Variants in CADPS observed in about 807,000 individuals in gnomAD.
The protein encoded by CADPS is calcium-dependent secretion activator 1.
In CADPS, 57 loss-of-function variants were observed where a neutral mutation model predicts 167.3. The observed-to-expected ratio is 0.34, with a 90% CI of 0.28 to 0.42. The LOEUF is 0.42. CADPS is among the 20% of genes least tolerant of loss of function. The probability of loss-of-function intolerance (pLI) is 1.00; values close to 1 mark genes in which losing one functional copy is unlikely to be tolerated. For missense variants in CADPS, 1,414 were observed against 1,738.1 expected, an observed-to-expected ratio of 0.81 and a Z score of 3.32; for synonymous variants, 676 against 635.3, an observed-to-expected ratio of 1.06 and a Z score of -0.96.
chr3:62,466,357 T>C lies in CADPS; in HGVS notation c.3534A>G (p.Ile1178Met). 4 of 1,611,584 alleles carry C rather than the reference T, an allele frequency of 2.5e-6. No individual in the cohort carries two copies. Among genetic ancestry groups the C allele is most frequent in the Non-Finnish European group, 3.4e-6 (4 of 1,177,788 alleles). Residue 1178 changes from isoleucine to methionine, a missense_variant, in exon 25 of 30, where the codon ATA becomes ATG. This residue lies in a region of CADPS where 185 missense variants were observed against 251.5 expected (regional missense o/e 0.74). Transcript: ENST00000383710. ...AGGTTACCTTTGCAACCAAGAGTGT[T>C]ATCATTTCTTTAACAGTTTCTTCAA... ...ELIEETVKEM[I>M]TLLVAKFVTI...
At chr3:62,449,216 C>T (rs114637848) in intron 26 of CADPS, among the ~76,000 whole-genome samples, 127 of 152,360 alleles carry the variant, frequency 8.3e-4, no homozygotes, top group African/African-American at 2.8e-3. Flanking sequence ...GAGACCTCCA[C>T]CTCACTGGAG....
At position 62,639,428 on chromosome 3, in the gene CADPS, T is replaced by C. The variant is rs145257718; in HGVS notation, c.1325+6294A>G. ...TCAGGAAGCCTCATTCCCTTTCCCA[T>C]TCAGTGGCCTTTGAAGTTCTCAAAA... On this transcript the variant is annotated intron_variant, in intron 6 of 29. Coordinates refer to ENST00000383710, the MANE Select transcript of CADPS (RefSeq NM_003716.4). Among the ~76,000 whole-genome samples the C allele has an allele frequency of 4.6e-5, 7 of 152,240 alleles. No homozygotes were observed. In the East Asian group the frequency reaches 1.4e-3, roughly 29 times the overall value.
At chr3:62,603,297 G>A (rs943654818) in intron 6 of CADPS, among the ~76,000 whole-genome samples, 15 of 152,228 alleles carry the variant, frequency 9.9e-5, no homozygotes, top group Admixed American at 2.0e-4. Flanking sequence ...ATTTAACAAT[G>A]CTTGATTATC....
intron 1 of CADPS, among the ~76,000 whole-genome samples, chr3:62,823,635 T>C (rs1056518180): frequency 1.3e-5 from 2 of 152,180 alleles, no homozygotes; most frequent in Admixed American, 6.6e-5. Context: ...TTCAAATACA[T>C]TTTAAGGCCA....
chr3:62,490,633 A>C (rs556744439), intron 21 of CADPS, among the ~76,000 whole-genome samples: 2 of 152,352 alleles, frequency 1.3e-5, no homozygotes, highest in East Asian at 1.9e-4. Context: ...TAAAAAAAGC[A>C]CACGGTTGTC....
intron 9 of CADPS, among the ~76,000 whole-genome samples, chr3:62,560,822 T>G (rs367980368): frequency 3.3e-5 from 5 of 152,184 alleles, no homozygotes; most frequent in African/African-American, 1.2e-4. Context: ...GGCTTACGCC[T>G]GTAATCCCAG....
chr3:62,743,392 T>C (rs1477525513), intron 3 of CADPS, among the ~76,000 whole-genome samples: 2 of 152,198 alleles, frequency 1.3e-5, no homozygotes, highest in South Asian at 2.1e-4. Context: ...AATTAAGCAG[T>C]TGTTACAAAG....
Position 62,668,171 on chromosome 3 carries a change from T to C in CADPS, c.889-5777A>G, listed in dbSNP as rs1272478689. Among the ~76,000 whole-genome samples, 8 of 152,170 alleles carry C rather than the reference T, an allele frequency of 5.3e-5. No individual in the cohort carries two copies. The South Asian group carries it at 6.2e-4, about 12-fold the overall frequency. ...AATACACAGAAAATGTAAACAGAAATAGGCAGATTACTTTATGCATTATTT... is the reference window on the plus strand; with the variant it reads ...AATACACAGAAAATGTAAACAGAAACAGGCAGATTACTTTATGCATTATTT... On this transcript the variant is annotated intron_variant, in intron 3 of 29. Transcript: ENST00000383710.
At chr3:62,797,049 G>C (rs1321441911) in intron 1 of CADPS, among the ~76,000 whole-genome samples, 1 of 152,118 alleles carries the variant, frequency 6.6e-6, no homozygotes, top group Non-Finnish European at 1.5e-5. Context: ...AAGAGAAAAA[G>C]AGAAGTGAGA....
chr3:62,833,850 G>A (rs970051599), intron 1 of CADPS, among the ~76,000 whole-genome samples: 2 of 152,018 alleles, frequency 1.3e-5, no homozygotes, highest in Non-Finnish European at 2.9e-5. Context: ...AACTACTCTG[G>A]TTACTAAAAA....
intron 11 of CADPS, among the ~76,000 whole-genome samples, chr3:62,540,280 T>C (rs2075468163): frequency 6.6e-6 from 1 of 152,112 alleles, no homozygotes; most frequent in Non-Finnish European, 1.5e-5. Context: ...ATGTCCTGTT[T>C]CTGTGTTTTC....
At chr3:62,493,134 T>C (rs944355593) in intron 19 of CADPS, among the ~76,000 whole-genome samples, 3 of 152,206 alleles carry the variant, frequency 2.0e-5, no homozygotes, top group Admixed American at 1.3e-4. Flanking sequence ...TGGACACATA[T>C]GTACATTGAA....
chr3:62,576,813 A>AAAAAAAAAAAAAAAAAAAAG (rs1562375615), intron 8 of CADPS, among the ~76,000 whole-genome samples: 3 of 149,290 alleles, frequency 2.0e-5, no homozygotes, highest in African/African-American at 7.5e-5. Flanking sequence ...AAAAAAAAAA[A>AAAAAAAAAAAAAAAAAAAAG]AAAAGCAGTC....
rs533336052 is a variant in CADPS at position 62,491,870 on chromosome 3, C to A, written c.2885-390G>T. Among the ~76,000 whole-genome samples, 11 of 152,256 alleles carry A rather than the reference C, an allele frequency of 7.2e-5. No homozygotes were observed. The East Asian group carries it at 2.1e-3, about 29-fold the overall frequency. On this transcript the variant is annotated intron_variant, in intron 20 of 29. Transcript: ENST00000383710. ...TACTCTGCCCTCCTTCATCACCCTC[C>A]CTGGGGAGGAAGGTCTATTTTATGG...
Position 62,752,799 on chromosome 3 carries a change from G to A in CADPS, c.888+642C>T, listed in dbSNP as rs146155917. On this transcript the variant is annotated intron_variant, in intron 3 of 29. Transcript: ENST00000383710. ...GAATTTCAGACTGCAAAATAGGCACGTAATAAATATTTGTTGAATAAATGA... is the reference window on the plus strand; with the variant it reads ...GAATTTCAGACTGCAAAATAGGCACATAATAAATATTTGTTGAATAAATGA... Among the ~76,000 whole-genome samples the A allele has an allele frequency of 2.0e-4, 31 of 152,278 alleles. No homozygotes were observed. In the East Asian group the frequency reaches 5.6e-3, roughly 27 times the overall value.
At chr3:62,577,422 C>T (rs1320169794) in intron 8 of CADPS, among the ~76,000 whole-genome samples, 2 of 152,076 alleles carry the variant, frequency 1.3e-5, no homozygotes, top group Admixed American at 6.6e-5. Flanking sequence ...ACAGAAGTTG[C>T]AGTGAGACAA....
intron 3 of CADPS, among the ~76,000 whole-genome samples, chr3:62,681,160 C>T (rs1485912612): frequency 6.6e-6 from 1 of 152,024 alleles, no homozygotes; most frequent in African/African-American, 2.4e-5. Context: ...TGTGCTGTTG[C>T]CCTGTCTAAC....
At chr3:62,681,939 A>G (rs1424309366) in intron 3 of CADPS, among the ~76,000 whole-genome samples, 1 of 152,112 alleles carries the variant, frequency 6.6e-6, no homozygotes, top group East Asian at 1.9e-4. Flanking sequence ...TGTTCTCCAG[A>G]GGACCTCATT....
chr3:62,422,981 A>G (rs1362253845), intron 28 of CADPS, among the ~76,000 whole-genome samples: 1 of 152,222 alleles, frequency 6.6e-6, no homozygotes, highest in Non-Finnish European at 1.5e-5. Context: ...TACCCCCCAA[A>G]TAAACCACAA....
Sources: allele counts gnomAD v4.1 joint callset (sites outside exome capture counted in the v4.1 genomes callset), GRCh38; gene constraint gnomAD v4.1.1; regional missense constraint gnomAD v4.1.1; transcripts MANE v1.5; gene names NCBI Gene and HGNC (gene_info 2026-07-23, HGNC 2026-07-21).